CHRM3: variants seen among roughly 807,000 people sequenced by gnomAD.
The protein encoded by CHRM3 is cholinergic receptor muscarinic 3.
In CHRM3, 11 loss-of-function variants were observed where a neutral mutation model predicts 41.8. The ratio of observed to expected loss-of-function variants is 0.26; its 90% CI spans 0.17 to 0.44. CHRM3 has a LOEUF of 0.44. Among genes scored for constraint, CHRM3 ranks in the 20% least tolerant of loss-of-function variants. The probability of loss-of-function intolerance (pLI) is 1.00; values close to 1 mark genes in which losing one functional copy is unlikely to be tolerated. For missense variants in CHRM3, 571 were observed against 745.4 expected (o/e 0.77, Z 2.72); for synonymous variants, 297 against 301.4 (o/e 0.99, Z 0.15).
At chr1:239,609,485 G>A (rs1215417943) in intron 3 of CHRM3, among the ~76,000 whole-genome samples, 6 of 152,154 alleles carry the variant, frequency 3.9e-5, no homozygotes, top group Non-Finnish European at 5.9e-5. Context: ...TGTGGAAAAA[G>A]GCTGTCATTT....
intron 5 of CHRM3, among the ~76,000 whole-genome samples, chr1:239,698,441 T>A (rs1208146105): frequency 1.3e-5 from 2 of 152,178 alleles, no homozygotes; most frequent in African/African-American, 4.8e-5. Flanking sequence ...GGCAGGAACA[T>A]GCATATCTGA....
chr1:239,723,555 A>G (rs1297525597), intron 5 of CHRM3, among the ~76,000 whole-genome samples: 2 of 151,968 alleles, frequency 1.3e-5, no homozygotes, highest in African/African-American at 2.4e-5. Context: ...ACTAAAATGT[A>G]CTACTACAAA....
chr1:239,830,281 A>G lies in CHRM3; in HGVS notation c.-20+2903A>G, dbSNP rs187806400. ...TAATACATGCAAAATGCTAGAAAAT[A>G]TATTAATATTACATTCTTTACCTCT... On this transcript the variant is annotated intron_variant, in intron 6 of 6. Coordinates refer to ENST00000676153, the MANE Select transcript of CHRM3 (RefSeq NM_001375978.1). Among the ~76,000 whole-genome samples, 327 of 152,364 alleles carry G rather than the reference A, an allele frequency of 2.1e-3. 3 individuals carry two copies. Among genetic ancestry groups the G allele is most frequent in the African/African-American group, 7.4e-3 (308 of 41,592 alleles).
intron 1 of CHRM3, among the ~76,000 whole-genome samples, chr1:239,390,644 G>A (rs866325081): frequency 6.4e-4 from 96 of 149,996 alleles, no homozygotes; most frequent in African/African-American, 2.3e-3. Flanking sequence ...TGTCGCCCAG[G>A]TTAGAGTGCA....
chr1:239,687,553 C>T (rs1659264223), intron 5 of CHRM3, among the ~76,000 whole-genome samples: 1 of 152,032 alleles, frequency 6.6e-6, no homozygotes, highest in South Asian at 2.1e-4. Context: ...GCCATATGTA[C>T]ATTATGAGGT....
At chr1:239,717,443 C>A (rs1315783312) in intron 5 of CHRM3, among the ~76,000 whole-genome samples, 1 of 147,576 alleles carries the variant, frequency 6.8e-6, no homozygotes, top group Non-Finnish European at 1.5e-5. Flanking sequence ...AATCCTGATA[C>A]AGAACTCAAG....
At chr1:239,708,980 T>C (rs1269663625) in intron 5 of CHRM3, among the ~76,000 whole-genome samples, 2 of 152,202 alleles carry the variant, frequency 1.3e-5, no homozygotes, top group Non-Finnish European at 1.5e-5. Flanking sequence ...GCTTTCATTT[T>C]GTTGGCAATA....
intron 5 of CHRM3, among the ~76,000 whole-genome samples, chr1:239,776,120 A>G (rs1271983959): frequency 2.6e-5 from 4 of 152,124 alleles, no homozygotes; most frequent in Non-Finnish European, 5.9e-5. Context: ...ACATCAAATA[A>G]TGATTTGGTC....
intron 3 of CHRM3, among the ~76,000 whole-genome samples, chr1:239,609,703 G>T (rs1553339619): frequency 1.3e-5 from 2 of 152,074 alleles, no homozygotes; most frequent in Non-Finnish European, 2.9e-5. Context: ...ATGTCTAGTG[G>T]TACTTGTTTT....
At chr1:239,572,811 G>A (rs1193316132) in intron 3 of CHRM3, among the ~76,000 whole-genome samples, 1 of 152,114 alleles carries the variant, frequency 6.6e-6, no homozygotes, top group South Asian at 2.1e-4. Flanking sequence ...TTTTATTTCA[G>A]AGAAAAATGC....
At chr1:239,730,755 A>C (rs1368049494) in intron 5 of CHRM3, among the ~76,000 whole-genome samples, 1 of 151,918 alleles carries the variant, frequency 6.6e-6, no homozygotes, top group African/African-American at 2.4e-5. Flanking sequence ...AAAGATTTCT[A>C]TTTTAGAAAT....
rs372763583 is a variant in CHRM3, at chr1:239,538,983, A to G, written c.-421-6658A>G. ...CAAAGAGAGAAAAAAGACTCTTCGTATAACCCTTTCAATTAAAGAAAACTG... is the reference window on the plus strand; with the variant it reads ...CAAAGAGAGAAAAAAGACTCTTCGTGTAACCCTTTCAATTAAAGAAAACTG... On this transcript the variant is annotated intron_variant, in intron 2 of 6. Transcript: ENST00000676153. Among the ~76,000 whole-genome samples the G allele has an allele frequency of 1.7e-4, 26 of 152,338 alleles. No individual in the cohort carries two copies. In the East Asian group the frequency reaches 1.9e-3, roughly 11 times the overall value.
chr1:239,870,994 G>A, intron 6 of CHRM3, among the ~76,000 whole-genome samples: 1 of 151,984 alleles, frequency 6.6e-6, no homozygotes, highest in East Asian at 1.9e-4. Context: ...GCGGGGACGT[G>A]CTGCTCTTCC....
chr1:239,468,488 A>G (rs1665889779), intron 1 of CHRM3, among the ~76,000 whole-genome samples: 1 of 152,184 alleles, frequency 6.6e-6, no homozygotes. Flanking sequence ...TTTTGGCAAA[A>G]TGAAGGTGAT....
At chr1:239,442,146 G>GTTTTT (rs57653333) in intron 1 of CHRM3, among the ~76,000 whole-genome samples, 1 of 149,422 alleles carries the variant, frequency 6.7e-6, no homozygotes. Flanking sequence ...TATACGTTAG[G>GTTTTT]TTTTTTTTTT....
intron 1 of CHRM3, among the ~76,000 whole-genome samples, chr1:239,399,638 G>A (rs1193022158): frequency 2.0e-5 from 3 of 152,060 alleles, no homozygotes; most frequent in Non-Finnish European, 4.4e-5. Flanking sequence ...TTAACACAAC[G>A]TCCTCCAAGT....
intron 3 of CHRM3, among the ~76,000 whole-genome samples, chr1:239,556,115 A>G (rs1310906258): frequency 6.6e-6 from 1 of 152,182 alleles, no homozygotes; most frequent in Non-Finnish European, 1.5e-5. Flanking sequence ...AACATTAACT[A>G]CGCATGTACC....
intron 6 of CHRM3, among the ~76,000 whole-genome samples, chr1:239,879,749 G>C (rs1271011310): frequency 6.6e-6 from 1 of 152,164 alleles, no homozygotes; most frequent in East Asian, 1.9e-4. Context: ...AGTACTTGCT[G>C]ATCCAGAACA....
At chr1:239,633,571 CAG>C (rs945334591) in intron 4 of CHRM3, among the ~76,000 whole-genome samples, 55 of 152,314 alleles carry the variant, frequency 3.6e-4, no homozygotes, top group African/African-American at 1.3e-3. Context: ...CTCATCTTCC[CAG>C]ACTCTTTTTT....
Sources: gnomAD v4.1 joint callset for allele counts (sites outside exome capture counted in the v4.1 genomes callset) on GRCh38, gnomAD v4.1.1 for gene constraint, MANE v1.5 for transcripts, NCBI Gene and HGNC (gene_info 2026-07-23, HGNC 2026-07-21) for gene names.